MGMT: variants seen among roughly 807,000 people sequenced by gnomAD.
The protein encoded by MGMT is O-6-methylguanine-DNA methyltransferase, also known as methylated-DNA--protein-cysteine methyltransferase.
Under a neutral mutation model 15.9 loss-of-function variants are expected in MGMT, and 14 were observed. The ratio of observed to expected loss-of-function variants is 0.88; its 90% CI spans 0.58 to 1.37. The LOEUF is 1.37. Among genes scored for constraint, MGMT ranks in the 40% most tolerant of loss-of-function variants. MGMT has a pLI of 0.00. For missense variants in MGMT, 282 were observed against 268.1 expected (o/e 1.05, Z -0.36); for synonymous variants, 130 against 118.2 (o/e 1.10, Z -0.65).
At chr10:129,592,840 G>A (rs1034862057) in intron 2 of MGMT, among the ~76,000 whole-genome samples, 1 of 151,630 alleles carries the variant, frequency 6.6e-6, no homozygotes, top group Admixed American at 6.6e-5. Context: ...TCATGAAAAT[G>A]TTATATGTGA....
intron 2 of MGMT, among the ~76,000 whole-genome samples, chr10:129,673,636 C>T (rs753407204): frequency 3.3e-5 from 5 of 152,110 alleles, no homozygotes; most frequent in African/African-American, 4.8e-5. Context: ...TCCACATCGG[C>T]TTGATGCCCA....
At chr10:129,760,201 G>A (rs776389083) in intron 4 of MGMT, among the ~76,000 whole-genome samples, 2 of 152,228 alleles carry the variant, frequency 1.3e-5, no homozygotes, top group African/African-American at 2.4e-5. Flanking sequence ...CTGGCATGAG[G>A]TGGTAAGTCA....
chr10:129,707,936 C>T lies in MGMT; in HGVS notation c.167C>T (p.Pro56Leu), dbSNP rs771707610. ...VPAPAAVLGG[P>L]EPLMQCTAWL... Reference sequence around the variant, plus strand: ...GCCCCCGCTGCGGTTCTCGGAGGTCCGGAGCCCCTGATGCAGTGCACAGCC... The same window carrying T: ...GCCCCCGCTGCGGTTCTCGGAGGTCTGGAGCCCCTGATGCAGTGCACAGCC... The change falls in exon 3 of 5, where the codon CCG (proline) becomes CTG (leucine). Residue 56 changes from proline (P) to leucine (L), a missense_variant. Pro to Leu is a moderately conservative substitution (Grantham distance 98, BLOSUM62 -3). Transcript: ENST00000651593. The T allele has an allele frequency of 2.5e-5, 41 of 1,612,396 alleles. No individual in the cohort carries two copies. The highest frequency in any genetic ancestry group is 8.0e-5 in the African/African-American group (6 of 74,832).
chr10:129,692,711 G>A (rs1175586408), intron 2 of MGMT, among the ~76,000 whole-genome samples: 2 of 152,182 alleles, frequency 1.3e-5, no homozygotes, highest in Admixed American at 1.3e-4. Context: ...CTGCAGGGTT[G>A]CAGTGGAAGG....
chr10:129,730,822 A>G (rs1204138649), intron 3 of MGMT, among the ~76,000 whole-genome samples: 3 of 152,208 alleles, frequency 2.0e-5, no homozygotes, highest in Non-Finnish European at 2.9e-5. Context: ...TTTGAATGGT[A>G]AAGGGTGTTA....
intron 1 of MGMT, among the ~76,000 whole-genome samples, chr10:129,502,362 G>T (rs1171597925): frequency 6.6e-6 from 1 of 152,220 alleles, no homozygotes; most frequent in Non-Finnish European, 1.5e-5. Context: ...CACCTGGCCC[G>T]GTGCCAGGCA....
chr10:129,682,882 T>A (rs190560756), intron 2 of MGMT, among the ~76,000 whole-genome samples: 1 of 152,362 alleles, frequency 6.6e-6, no homozygotes, highest in East Asian at 1.9e-4. Flanking sequence ...GGAGTTTCAC[T>A]CTGTCACTCA....
rs1342242103 is a variant in MGMT at position 129,659,374 on chromosome 10, GATACTC to G, written c.126-48519_126-48514del. On this transcript the variant is annotated intron_variant, in intron 2 of 4. Coordinates refer to ENST00000651593, the MANE Select transcript of MGMT (RefSeq NM_002412.5). The surrounding 1 kb of genome is among the most constrained non-coding windows in gnomAD (Gnocchi z 4.1). ...TCCCTGTGTGGAAAAAAAAAAAAAA[GATACTC>G]AGATGTAGCTGTCTCTGCCTGGGTT... Among the ~76,000 whole-genome samples the G allele has an allele frequency of 7.4e-6, 1 of 135,414 alleles. No individual in the cohort carries two copies. Among genetic ancestry groups the G allele is most frequent in the Non-Finnish European group, 1.5e-5 (1 of 66,480 alleles). The allele number at this position is 135,414 out of a possible 152,430, so 88.8% of individuals were successfully genotyped here.
chr10:129,631,597 C>T (rs1050076182), intron 2 of MGMT, among the ~76,000 whole-genome samples: 2 of 152,158 alleles, frequency 1.3e-5, no homozygotes, highest in South Asian at 4.1e-4. Context: ...CCAAGGTGGG[C>T]AGATCGCTTG....
In MGMT at chr10:129,729,604, C is replaced by T. The variant is rs1848473536; in HGVS notation, c.274+21561C>T. Among the ~76,000 whole-genome samples, 2 of 152,226 alleles carry T rather than the reference C, an allele frequency of 1.3e-5. 1 individual carries two copies. The highest frequency in any genetic ancestry group is 4.1e-4 in the South Asian group (2 of 4,828). On this transcript the variant is annotated intron_variant, in intron 3 of 4. Coordinates refer to ENST00000651593, the MANE Select transcript of MGMT (RefSeq NM_002412.5). ...TCAATGTTGATACTGAGATTAATCC[C>T]CAAAGAGCTTCTCATTTCTCTGCAG...
At chr10:129,731,356 CTTTTT>C (rs547636043) in intron 3 of MGMT, among the ~76,000 whole-genome samples, 6 of 96,982 alleles carry the variant, frequency 6.2e-5, no homozygotes, top group Admixed American at 2.6e-4. Context: ...AAACCTAAGA[CTTTTT>C]TTTTTTTTTT....
rs1389795999 is a variant in MGMT at position 129,532,158 on chromosome 10, G to A, written c.-12-4083G>A. On this transcript the variant is annotated intron_variant, in intron 1 of 4. Transcript: ENST00000651593. The surrounding 1 kb of genome is among the most constrained non-coding windows in gnomAD (Gnocchi z 5.3). ...GGGGAGCTGGTTCAGAGGGCTTGAG[G>A]CCAGCCTGCCCTTTGGATGAGAGGC... Among the ~76,000 whole-genome samples the A allele has an allele frequency of 1.3e-5, 2 of 152,212 alleles. No homozygotes were observed. The highest frequency in any genetic ancestry group is 2.9e-5 in the Non-Finnish European group (2 of 68,032).
chr10:129,741,103 C>A (rs1848626739), intron 3 of MGMT, among the ~76,000 whole-genome samples: 1 of 152,148 alleles, frequency 6.6e-6, no homozygotes, highest in Admixed American at 6.5e-5. Context: ...CTGGAATGCT[C>A]TGTTTTGGCA....
intron 2 of MGMT, among the ~76,000 whole-genome samples, chr10:129,631,546 G>A (rs544181626): frequency 6.6e-6 from 1 of 152,312 alleles, no homozygotes; most frequent in East Asian, 1.9e-4. Flanking sequence ...AAATTTGGAC[G>A]GTGTGGTGGC....
At chr10:129,618,689 A>G (rs1032895895) in intron 2 of MGMT, among the ~76,000 whole-genome samples, 1 of 77,762 alleles carries the variant, frequency 1.3e-5, no homozygotes, top group East Asian at 5.8e-4. Context: ...TTGGTATACA[A>G]ATCTTTTAAA....
chr10:129,503,077 G>A (rs1845590413), intron 1 of MGMT, among the ~76,000 whole-genome samples: 1 of 151,790 alleles, frequency 6.6e-6, no homozygotes, highest in Admixed American at 6.6e-5. Context: ...AAAAGGGAGA[G>A]CAGTTAATGG....
At position 129,473,349 on chromosome 10, in the gene MGMT, G is replaced by C. The variant is rs114645150; in HGVS notation, c.-13+6053G>C. Among the ~76,000 whole-genome samples the C allele has an allele frequency of 3.4e-3, 525 of 152,324 alleles. 3 individuals carry two copies. Among genetic ancestry groups the C allele is most frequent in the African/African-American group, 0.012 (490 of 41,562 alleles). On this transcript the variant is annotated intron_variant, in intron 1 of 4. Transcript: ENST00000651593. ...CTCCTTAATCTCCTGTCATGGTTCA[G>C]CTCACCCTGGTGGTTATTCTGGGCG...
intron 3 of MGMT, among the ~76,000 whole-genome samples, chr10:129,718,225 G>T (rs1044344094): frequency 6.6e-6 from 1 of 152,224 alleles, no homozygotes; most frequent in African/African-American, 2.4e-5. Flanking sequence ...TTCATCTGCT[G>T]AATGTGCACA....
At chr10:129,722,661 T>TTTCAGTTCTTTTCAGTTCAGTTTTTTCAG (rs1848385106) in intron 3 of MGMT, among the ~76,000 whole-genome samples, 1 of 152,204 alleles carries the variant, frequency 6.6e-6, no homozygotes, top group Non-Finnish European at 1.5e-5. Flanking sequence ...ACCAGTGTTT[T>TTTCAGTTCTTTTCAGTTCAGTTTTTTCAG]TTCAGTTCTT....
Sources: allele counts gnomAD v4.1 joint callset (sites outside exome capture counted in the v4.1 genomes callset), GRCh38; gene constraint gnomAD v4.1.1; non-coding constraint Gnocchi (gnomAD v3.1); transcripts MANE v1.5; gene names NCBI Gene and HGNC (gene_info 2026-07-23, HGNC 2026-07-21).